METTL24: variants seen among roughly 807,000 people sequenced by gnomAD.
The protein encoded by METTL24 is methyltransferase like 24.
A neutral mutation model predicts 32.7 loss-of-function variants in METTL24; 29 were observed. That is an observed-to-expected ratio of 0.89 (90% CI 0.66 to 1.21). METTL24 has a LOEUF of 1.21. Among genes scored for constraint, METTL24 ranks in the 50% most tolerant of loss-of-function variants. The probability of loss-of-function intolerance (pLI) is 0.00; values close to 1 mark genes in which losing one functional copy is unlikely to be tolerated. For synonymous variants in METTL24, 163 were observed against 179.5 expected, an observed-to-expected ratio of 0.91 and a Z score of 0.73; for missense variants, 439 against 468.1, an observed-to-expected ratio of 0.94 and a Z score of 0.57.
In METTL24 at chr6:110,295,839, A is replaced by AAGGAAGGAAGGT. The variant is rs1489372551; in HGVS notation, c.786+3082_786+3083insACCTTCCTTCCT. Among the ~76,000 whole-genome samples, 649 of 149,246 alleles carry AAGGAAGGAAGGT rather than the reference A, an allele frequency of 4.3e-3. 10 individuals carry two copies. Among genetic ancestry groups the AAGGAAGGAAGGT allele is most frequent in the African/African-American group, 0.015 (605 of 41,050 alleles). On this transcript the variant is annotated intron_variant, in intron 4 of 4. Coordinates refer to ENST00000338882, the MANE Select transcript of METTL24 (RefSeq NM_001123364.3). Reference sequence around the variant, plus strand: ...GAAGGAAGGAAGGAAGGAAGGAAGGAAGGTTCTCTATAAAATGTACTAAAA... The same window carrying AAGGAAGGAAGGT: ...GAAGGAAGGAAGGAAGGAAGGAAGGAAGGAAGGAAGGTAGGTTCTCTATAAAATGTACTAAAA...
At chr6:110,332,598 T>C (rs931605149) in intron 1 of METTL24, 4 of 473,312 alleles carry the variant, frequency 8.5e-6, no homozygotes, top group Non-Finnish European at 1.1e-5. Flanking sequence ...AGTTTTCTTA[T>C]GAAAGTAAGT....
In METTL24 at chr6:110,358,290, CCCGCGGG is replaced by C; in HGVS notation, c.-25_-19del. 1 of 1,439,074 alleles carries C rather than the reference CCCGCGGG, an allele frequency of 6.9e-7. No individual in the cohort carries two copies. Among genetic ancestry groups the C allele is most frequent in the Non-Finnish European group, 9.1e-7 (1 of 1,103,426 alleles). 89.1% of individuals were successfully genotyped at this position (1,439,074 alleles called of 1,614,324 possible). A position where few individuals can be genotyped will look rare whatever the true frequency, so the allele number is the denominator to read the frequency against. On this transcript the variant is annotated 5_prime_UTR_variant, in exon 1 of 5. Coordinates refer to ENST00000338882, the MANE Select transcript of METTL24 (RefSeq NM_001123364.3). ...CGGGCCATGGCGCTACACTCGGGGTCCCGCGGGCCGCGCCTGGCCGGCAGCAGGGATG... is the reference window on the plus strand; with the variant it reads ...CGGGCCATGGCGCTACACTCGGGGTCCCGCGCCTGGCCGGCAGCAGGGATG...
intron 3 of METTL24, among the ~76,000 whole-genome samples, chr6:110,304,582 C>T (rs1415742740): frequency 1.3e-5 from 2 of 151,950 alleles, no homozygotes; most frequent in East Asian, 1.9e-4. Flanking sequence ...GATTGAAGAT[C>T]GACTTAATGA....
At chr6:110,286,743 AC>A (rs2114721727) in intron 4 of METTL24, among the ~76,000 whole-genome samples, 2 of 152,306 alleles carry the variant, frequency 1.3e-5, no homozygotes, top group Admixed American at 1.3e-4. Flanking sequence ...AAGGAGATTA[AC>A]ATTTGAGTCA....
chr6:110,252,654 A>G (rs1018724562), intron 4 of METTL24, among the ~76,000 whole-genome samples: 2 of 152,218 alleles, frequency 1.3e-5, no homozygotes, highest in African/African-American at 4.8e-5. Flanking sequence ...TGTCTCCTCT[A>G]TAGTTAATGG....
At chr6:110,345,391 A>T (rs925872256) in intron 1 of METTL24, among the ~76,000 whole-genome samples, 1 of 152,250 alleles carries the variant, frequency 6.6e-6, no homozygotes, top group African/African-American at 2.4e-5. Flanking sequence ...AGCTAAAAGC[A>T]GAACTACCAT....
At chr6:110,319,418 G>GAGATGAT (rs1554215689) in intron 2 of METTL24, among the ~76,000 whole-genome samples, 1 of 148,634 alleles carries the variant, frequency 6.7e-6, no homozygotes, top group Non-Finnish European at 1.5e-5. Context: ...TAGAGAGGTA[G>GAGATGAT]AGATAGATAG....
intron 3 of METTL24, among the ~76,000 whole-genome samples, chr6:110,312,697 AG>A (rs1416033136): frequency 6.6e-6 from 1 of 151,768 alleles, no homozygotes; most frequent in Non-Finnish European, 1.5e-5. Context: ...GATGCTGGGA[AG>A]GGTGTTTGAG....
chr6:110,325,874 C>A lies in METTL24; in HGVS notation c.319-3002G>T, dbSNP rs1004851504. Among the ~76,000 whole-genome samples the A allele has an allele frequency of 3.3e-5, 5 of 152,216 alleles. No homozygotes were observed. The East Asian group carries it at 9.6e-4, about 29-fold the overall frequency. ...TCCTCCCCACTGCAAATGGTGCAAA[C>A]TTCCCAGGGGCTCTGGCCCGTTGTG... is the stretch of plus-strand genomic sequence containing the variant. On this transcript the variant is annotated intron_variant, in intron 1 of 4. Coordinates refer to ENST00000338882, the MANE Select transcript of METTL24 (RefSeq NM_001123364.3).
chr6:110,317,466 A>T (rs1771840572), intron 2 of METTL24, among the ~76,000 whole-genome samples: 1 of 152,128 alleles, frequency 6.6e-6, no homozygotes, highest in South Asian at 2.1e-4. Flanking sequence ...TGGACAGATT[A>T]CTGTGTCTTA....
At chr6:110,265,260 T>G (rs1770835700) in intron 4 of METTL24, among the ~76,000 whole-genome samples, 1 of 152,180 alleles carries the variant, frequency 6.6e-6, no homozygotes. Context: ...AAAGCACAAC[T>G]GGTGTTTTCT....
chr6:110,314,130 G>T (rs879597074), intron 3 of METTL24, among the ~76,000 whole-genome samples: 2 of 152,124 alleles, frequency 1.3e-5, no homozygotes, highest in Non-Finnish European at 2.9e-5. Context: ...GCTGGTGGTT[G>T]TCATACCTGG....
intron 4 of METTL24, among the ~76,000 whole-genome samples, chr6:110,283,130 T>G (rs1771166051): frequency 6.6e-6 from 1 of 152,108 alleles, no homozygotes; most frequent in African/African-American, 2.4e-5. Context: ...ACAAAATTCT[T>G]TAGAAAATAG....
In METTL24 at chr6:110,244,954, A is replaced by G. The variant is rs1035674607; in HGVS notation, c.*992T>C. Reference sequence around the variant, plus strand: ...AGTCAAGAAAATGGTGAAACATGCCAGTAGGAAAATCTATCTTATCTATCT... The same window carrying G: ...AGTCAAGAAAATGGTGAAACATGCCGGTAGGAAAATCTATCTTATCTATCT... On this transcript the variant is annotated 3_prime_UTR_variant, in exon 5 of 5. Coordinates refer to ENST00000338882, the MANE Select transcript of METTL24 (RefSeq NM_001123364.3). Among the ~76,000 whole-genome samples, 4 of 138,988 alleles carry G rather than the reference A, an allele frequency of 2.9e-5. No individual in the cohort carries two copies. The highest frequency in any genetic ancestry group is 5.9e-5 in the African/African-American group (2 of 34,006). 91.2% of individuals were successfully genotyped at this position (138,988 alleles called of 152,430 possible). A position where few individuals can be genotyped will look rare whatever the true frequency, so the allele number is the denominator to read the frequency against.
intron 1 of METTL24, among the ~76,000 whole-genome samples, chr6:110,331,590 G>T (rs1772110249): frequency 6.7e-6 from 1 of 150,182 alleles, no homozygotes; most frequent in African/African-American, 2.5e-5. Flanking sequence ...GAGACTGGGA[G>T]GTCAAGGCTG....
intron 1 of METTL24, among the ~76,000 whole-genome samples, chr6:110,355,757 A>G (rs1772686919): frequency 6.6e-6 from 1 of 152,204 alleles, no homozygotes; most frequent in Non-Finnish European, 1.5e-5. Context: ...CAAGAGAGAA[A>G]TAACTGCTCC....
chr6:110,306,239 G>A (rs1771626197), intron 3 of METTL24, among the ~76,000 whole-genome samples: 2 of 151,810 alleles, frequency 1.3e-5, no homozygotes, highest in Admixed American at 1.3e-4. Flanking sequence ...AAACCACCAT[G>A]GCACATGTAT....
intron 1 of METTL24, among the ~76,000 whole-genome samples, chr6:110,335,276 G>A (rs554418514): frequency 1.2e-4 from 18 of 152,274 alleles, no homozygotes; most frequent in East Asian, 5.8e-4. Context: ...AGTTAGAAGC[G>A]AAGCTGCCAA....
At position 110,290,613 on chromosome 6, in the gene METTL24, T is replaced by C. The variant is rs147225673; in HGVS notation, c.786+8309A>G. Among the ~76,000 whole-genome samples, 20 of 152,338 alleles carry C rather than the reference T, an allele frequency of 1.3e-4. No individual in the cohort carries two copies. The East Asian group carries it at 2.5e-3, about 19-fold the overall frequency. On this transcript the variant is annotated intron_variant, in intron 4 of 4. Coordinates refer to ENST00000338882, the MANE Select transcript of METTL24 (RefSeq NM_001123364.3). The stretch of plus-strand genomic sequence containing the variant: ...TATCATACCATAACTTCTCTACCCA[T>C]TCACATATTTACAGACATTTGAGTT...
Sources: gnomAD v4.1 joint callset for allele counts (sites outside exome capture counted in the v4.1 genomes callset) on GRCh38, gnomAD v4.1.1 for gene constraint, MANE v1.5 for transcripts, NCBI Gene and HGNC (gene_info 2026-07-23, HGNC 2026-07-21) for gene names.